NECAB2: variants seen among roughly 807,000 people sequenced by gnomAD.
NECAB2 encodes N-terminal EF-hand calcium-binding protein 2.
Under a neutral mutation model 51.9 loss-of-function variants are expected in NECAB2, and 68 were observed. The observed-to-expected ratio is 1.31, with a 90% confidence interval of 1.08 to 1.60. NECAB2 has a LOEUF of 1.60. NECAB2 is among the 40% of genes most tolerant of loss of function. The probability of loss-of-function intolerance (pLI) is 0.00; values close to 1 mark genes in which losing one functional copy is unlikely to be tolerated. For missense variants in NECAB2, 854 were observed against 490.3 expected, an observed-to-expected ratio of 1.74 and a Z score of -7.00; for synonymous variants, 329 against 203.5, an observed-to-expected ratio of 1.62 and a Z score of -5.25.
Position 83,978,519 on chromosome 16 carries a change from A to G in NECAB2, c.302A>G (p.Asp101Gly), listed in dbSNP as rs749491578. The G allele has an allele frequency of 5.0e-6, 8 of 1,613,546 alleles. No homozygotes were observed. The highest frequency in any genetic ancestry group is 1.3e-5 in the African/African-American group (1 of 74,766). Residue 101 changes from aspartate (D) to glycine (G), a missense_variant, in exon 3 of 13, where the codon GAT (aspartate) becomes GGT (glycine). Transcript: ENST00000305202. ...DGVLNEKELE[D>G]LFHTIDSDNT... is the part of the protein sequence containing the mutation. ...GTCCTTAATGAGAAAGAACTGGAGG[A>G]TCTCTTTCACACGATTGACTCTGAC...
intron 10 of NECAB2, among the ~76,000 whole-genome samples, chr16:84,000,124 T>TCACGTAATCC (rs2151102801): frequency 6.6e-6 from 1 of 152,124 alleles, no homozygotes; most frequent in South Asian, 2.1e-4. Flanking sequence ...ACTCCTGACC[T>TCACGTAATCC]CACGTAATCC....
At chr16:84,000,036 G>T (rs1380745425) in intron 10 of NECAB2, among the ~76,000 whole-genome samples, 2 of 149,918 alleles carry the variant, frequency 1.3e-5, no homozygotes, top group African/African-American at 5.0e-5. Flanking sequence ...ACAGGGATGT[G>T]CCACCAGGCC....
At chr16:83,982,280 G>T (rs938397907) in intron 5 of NECAB2, among the ~76,000 whole-genome samples, 61 of 152,182 alleles carry the variant, frequency 4.0e-4, no homozygotes, top group Admixed American at 3.3e-4. Flanking sequence ...CTCATTCTGG[G>T]CCTCCACGAT....
At chr16:83,965,663 C>A (rs1172440596), upstream of NECAB2, 18 of 1,613,386 alleles carry the variant, frequency 1.1e-5, no homozygotes, top group Non-Finnish European at 1.4e-5. Flanking sequence ...CCTCCCCAGG[C>A]ACCAGCTGCT....
intron 5 of NECAB2, among the ~76,000 whole-genome samples, chr16:83,984,589 G>A (rs1359310636): frequency 6.6e-6 from 1 of 152,046 alleles, no homozygotes; most frequent in Non-Finnish European, 1.5e-5. Context: ...AATTAGCCGA[G>A]CATGGTGGGA....
At chr16:83,980,378 G>A (rs2084470873) in intron 3 of NECAB2, among the ~76,000 whole-genome samples, 1 of 152,148 alleles carries the variant, frequency 6.6e-6, no homozygotes, top group Admixed American at 6.5e-5. Flanking sequence ...GTAGGAATGG[G>A]GATATGGGAC....
intron 2 of NECAB2, among the ~76,000 whole-genome samples, chr16:83,973,569 C>T (rs2084371563): frequency 6.6e-6 from 1 of 152,154 alleles, no homozygotes; most frequent in East Asian, 1.9e-4. Flanking sequence ...GCATCATGGC[C>T]TGAAAAGCCT....
intron 5 of NECAB2, among the ~76,000 whole-genome samples, chr16:83,989,794 C>G (rs772996290): frequency 1.3e-5 from 2 of 152,204 alleles, no homozygotes; most frequent in African/African-American, 2.4e-5. Flanking sequence ...CTGTTCCACA[C>G]CACAGAGCAA....
At chr16:83,994,194 T>G in intron 6 of NECAB2, 108 bp from the exon 7 acceptor site, 1 of 978,592 alleles carries the variant, frequency 1.0e-6, no homozygotes, top group Admixed American at 1.9e-5. Flanking sequence ...GTTCTGTGCA[T>G]GTGTGAGTCC....
At chr16:83,970,307 C>T (rs1053910251) in intron 1 of NECAB2, among the ~76,000 whole-genome samples, 7 of 152,158 alleles carry the variant, frequency 4.6e-5, no homozygotes, top group Non-Finnish European at 1.5e-5. Context: ...CTGCCCAGAG[C>T]CGGCACCTAC....
intron 2 of NECAB2, 62 bp downstream of exon 2, chr16:83,972,237 A>G: frequency 4.4e-6 from 7 of 1,608,406 alleles, no homozygotes; most frequent in Non-Finnish European, 6.0e-6. Flanking sequence ...TTCATGGGGA[A>G]GGGATCAGGG....
At chr16:83,988,910 A>G (rs1334863243) in intron 5 of NECAB2, among the ~76,000 whole-genome samples, 1 of 152,194 alleles carries the variant, frequency 6.6e-6, no homozygotes, top group Non-Finnish European at 1.5e-5. Context: ...GTATCTTTAC[A>G]TGGGGGAATG....
chr16:83,982,718 C>G (rs116375136), intron 5 of NECAB2, among the ~76,000 whole-genome samples: 1 of 152,146 alleles, frequency 6.6e-6, no homozygotes, highest in Admixed American at 6.5e-5. Flanking sequence ...TCTACTGATA[C>G]AAGTTAGACC....
intron 8 of NECAB2, among the ~76,000 whole-genome samples, chr16:83,994,952 G>T (rs1374257146): frequency 3.3e-5 from 5 of 152,198 alleles, no homozygotes; most frequent in African/African-American, 1.2e-4. Context: ...AGCAGGAGCA[G>T]CTCCAGGAGC....
intron 8 of NECAB2, among the ~76,000 whole-genome samples, chr16:83,996,311 G>A (rs888217258): frequency 6.6e-6 from 1 of 152,212 alleles, no homozygotes; most frequent in Non-Finnish European, 1.5e-5. Context: ...TGTTCATGCT[G>A]TGTGCCCCCA....
At chr16:83,976,484 T>A (rs890979639) in intron 2 of NECAB2, among the ~76,000 whole-genome samples, 1 of 152,164 alleles carries the variant, frequency 6.6e-6, no homozygotes, top group African/African-American at 2.4e-5. Flanking sequence ...GGGTTTTATC[T>A]TCAGGCTTGC....
chr16:84,000,992 A>G (rs187295332), intron 11 of NECAB2, among the ~76,000 whole-genome samples, 191 bp downstream of exon 11: 1 of 150,986 alleles, frequency 6.6e-6, no homozygotes, highest in East Asian at 1.9e-4. Context: ...GGGTAGTGAG[A>G]GCCCCCACCA....
chr16:83,997,370 T>C (rs1429535993), intron 9 of NECAB2, 101 bp downstream of exon 9: 1 of 1,462,878 alleles, frequency 6.8e-7, no homozygotes, highest in Non-Finnish European at 9.5e-7. Flanking sequence ...CTCTCCCTGC[T>C]TGGGACCACC....
In NECAB2 at chr16:83,990,534, G is replaced by C; in HGVS notation, c.500G>C (p.Arg167Pro). ...AGCAACGTGGACCAGTTTGTGACCC[G>C]CTTCCTCCTGAAGGAGACGGCCAAT... The part of the protein sequence containing the change: ...GGSNVDQFVT[R>P]FLLKETANQI... The change falls in exon 6 of 13, where the codon CGC (arginine) becomes CCC (proline). Residue 167 changes from arginine (R) to proline (P), a missense_variant. Transcript: ENST00000305202. 6.2e-7 allele frequency: 1 copy of C among 1,614,086 alleles called. No individual in the cohort carries two copies.
Sources: allele counts gnomAD v4.1 joint callset (sites outside exome capture counted in the v4.1 genomes callset), GRCh38; gene constraint gnomAD v4.1.1; transcripts MANE v1.5; gene names NCBI Gene and HGNC (gene_info 2026-07-23, HGNC 2026-07-21).